Variants in PARP4 observed in about 807,000 individuals in gnomAD.
The protein encoded by PARP4 is poly(ADP-ribose) polymerase family member 4.
In PARP4, 120 loss-of-function variants were observed where a neutral mutation model predicts 187.7. The observed-to-expected ratio is 0.64, with a 90% CI of 0.55 to 0.74. PARP4 has a LOEUF of 0.74. Among genes scored for constraint, PARP4 ranks in the 30% least tolerant of loss-of-function variants. The pLI is 0.00. For synonymous variants in PARP4, 654 were observed against 740.9 expected (o/e 0.88, Z 1.90); for missense variants, 1,836 against 2,070.5 (o/e 0.89, Z 2.20).
chr13:24,453,630 G>T lies in PARP4; in HGVS notation c.2783C>A (p.Pro928His). 6.2e-7 allele frequency: 1 copy of T among 1,606,774 alleles called. No homozygotes were observed. Among genetic ancestry groups the T allele is most frequent in the Non-Finnish European group, 8.5e-7 (1 of 1,173,402 alleles). ...GTGYKELFSY[P>H]KHITSNTMAA... ...CATGGTATTGCTTGTGATATGCTTA[G>T]GATACGAAAATAGCTCCTTGTAACC... is the stretch of plus-strand genomic sequence containing the variant. Residue 928 changes from proline (P) to histidine (H), a missense_variant, in exon 23 of 34, where the codon CCT (proline) becomes CAT (histidine). Physicochemically the swap from Pro to His is moderately conservative, Grantham distance 77. Coordinates refer to ENST00000381989, the MANE Select transcript of PARP4 (RefSeq NM_006437.4).
intron 33 of PARP4, among the ~76,000 whole-genome samples, chr13:24,424,245 A>G (rs1271153804): frequency 6.6e-6 from 1 of 152,014 alleles, no homozygotes; most frequent in Non-Finnish European, 1.5e-5. Context: ...AATTTTTCCT[A>G]TCTCATTTTT....
At chr13:24,495,148 G>A (rs1029497310) in intron 6 of PARP4, among the ~76,000 whole-genome samples, 3 of 152,144 alleles carry the variant, frequency 2.0e-5, no homozygotes, top group African/African-American at 7.2e-5. Context: ...TAGGATTACA[G>A]GCGTAAGCCA....
intron 1 of PARP4, among the ~76,000 whole-genome samples, chr13:24,505,014 T>TC: frequency 1.6e-5 from 2 of 128,750 alleles, no homozygotes; most frequent in Non-Finnish European, 1.9e-5. Flanking sequence ...TTTTTTTTTT[T>TC]TTTTTTTGAG....
At chr13:24,470,092 G>C (rs1397231734) in intron 15 of PARP4, 67 bp from the exon 16 acceptor site, 5 of 1,175,156 alleles carry the variant, frequency 4.3e-6, no homozygotes, top group Admixed American at 2.3e-5. Context: ...GAACAAGGAC[G>C]AACGAAAATG....
At chr13:24,425,567 G>GTATA (rs573054189) in intron 33 of PARP4, among the ~76,000 whole-genome samples, 18,580 of 140,966 alleles carry the variant, frequency 0.13, 1,474 homozygotes, top group Non-Finnish European at 0.19. Flanking sequence ...GTGTGTGTGT[G>GTATA]TGTATATCTA....
intron 12 of PARP4, among the ~76,000 whole-genome samples, chr13:24,481,974 T>C (rs935221876): frequency 7.2e-5 from 11 of 152,242 alleles, no homozygotes; most frequent in African/African-American, 2.7e-4. Context: ...GATTTGCTAT[T>C]CTCCTTGCCC....
intron 24 of PARP4, among the ~76,000 whole-genome samples, chr13:24,450,449 T>C (rs1434515329): frequency 6.7e-6 from 1 of 149,868 alleles, no homozygotes. Flanking sequence ...ATTTCCAAGA[T>C]GTTTTTCAAC....
In PARP4 at chr13:24,434,850, C is replaced by T; in HGVS notation, c.4291G>A (p.Glu1431Lys). The part of the protein sequence containing the change: ...TTRPSAGTFP[E>K]LDSPQLHFSL... Reference sequence around the variant, plus strand: ...AAATGAAGCTGGGGAGAATCCAGCTCAGGGAAGGTGCCAGCAGAAGGCCTG... The same window carrying T: ...AAATGAAGCTGGGGAGAATCCAGCTTAGGGAAGGTGCCAGCAGAAGGCCTG... The change falls in exon 31 of 34, where the codon GAG becomes AAG. Residue 1431 changes from glutamate (E) to lysine (K), a missense_variant. Physicochemically the swap from Glu to Lys is moderately conservative, Grantham distance 56 (BLOSUM62 1). This residue lies in a region of PARP4 where 450 missense variants were observed against 439.2 expected (regional missense o/e 1.02). Coordinates refer to ENST00000381989, the MANE Select transcript of PARP4 (RefSeq NM_006437.4). The T allele has an allele frequency of 1.2e-6, 2 of 1,613,966 alleles. No homozygotes were observed. Among genetic ancestry groups the T allele is most frequent in the Non-Finnish European group, 8.5e-7 (1 of 1,179,982 alleles).
chr13:24,484,474 A>G (rs529664130), intron 12 of PARP4, among the ~76,000 whole-genome samples, 179 bp downstream of exon 12: 1 of 152,290 alleles, frequency 6.6e-6, no homozygotes, highest in East Asian at 1.9e-4. Flanking sequence ...TGTCTGGCAT[A>G]AGGGCAGATT....
At chr13:24,491,568 A>G (rs1268889876) in intron 9 of PARP4, among the ~76,000 whole-genome samples, 1 of 152,158 alleles carries the variant, frequency 6.6e-6, no homozygotes, top group East Asian at 1.9e-4. Context: ...AAACATGCAA[A>G]ATTTCACATC....
chr13:24,434,479 T>C lies in PARP4; in HGVS notation c.4662A>G (p.Glu1554=). The C allele has an allele frequency of 6.2e-7, 1 of 1,613,290 alleles. No individual in the cohort carries two copies. The highest frequency in any genetic ancestry group is 8.5e-7 in the Non-Finnish European group (1 of 1,179,414). ...TKDDSILCFL[E]VKEEDEIVCI... ...ACACTATTTCATCCTCTTCTTTTAC[T>C]TCCAGAAAGCACAGGATACTGTCAT... The change falls in exon 31 of 34, where the codon GAA becomes GAG. Residue 1554 remains glutamate (E), a synonymous_variant. Transcript: ENST00000381989.
rs144195208 is a variant in PARP4 at position 24,430,872 on chromosome 13, C to T, written c.4846+505G>A. Among the ~76,000 whole-genome samples the T allele has an allele frequency of 2.3e-3, 347 of 152,364 alleles. 1 individual carries two copies. The highest frequency in any genetic ancestry group is 7.7e-3 in the African/African-American group (319 of 41,576). ...ACACGCAGCTTAACAGTACATTTCTCAGGCCTTCGTACATGGATGGGGCTA... is the reference window on the plus strand; with the variant it reads ...ACACGCAGCTTAACAGTACATTTCTTAGGCCTTCGTACATGGATGGGGCTA... On this transcript the variant is annotated intron_variant, in intron 32 of 33. Transcript: ENST00000381989.
intron 24 of PARP4, among the ~76,000 whole-genome samples, chr13:24,451,388 C>T (rs1044855604): frequency 3.9e-5 from 6 of 152,172 alleles, no homozygotes; most frequent in African/African-American, 1.4e-4. Context: ...GAGCCAGGAG[C>T]TGTGACAGTG....
At chr13:24,477,339 T>A (rs1160467171) in intron 14 of PARP4, among the ~76,000 whole-genome samples, 1 of 151,998 alleles carries the variant, frequency 6.6e-6, no homozygotes, top group African/African-American at 2.4e-5. Context: ...CGGATGGTAG[T>A]CCTAGCTACT....
At chr13:24,456,097 G>A (rs541947284) in intron 21 of PARP4, among the ~76,000 whole-genome samples, 33 of 152,192 alleles carry the variant, frequency 2.2e-4, no homozygotes, top group African/African-American at 7.7e-4. Flanking sequence ...TGTTCTTTTG[G>A]TGGAGCTTAA....
chr13:24,466,072 A>T (rs1473504474), intron 17 of PARP4, among the ~76,000 whole-genome samples: 2 of 152,248 alleles, frequency 1.3e-5, no homozygotes, highest in Non-Finnish European at 2.9e-5. Flanking sequence ...TAAGATAGCC[A>T]CTGGCCACAT....
chr13:24,451,552 G>A (rs1294851490), intron 24 of PARP4, among the ~76,000 whole-genome samples: 1 of 152,124 alleles, frequency 6.6e-6, no homozygotes, highest in Non-Finnish European at 1.5e-5. Flanking sequence ...AGCTCAGGGC[G>A]AGTCCAGGTC....
chr13:24,508,439 CA>C (rs992429301), intron 1 of PARP4, among the ~76,000 whole-genome samples: 9 of 152,072 alleles, frequency 5.9e-5, no homozygotes, highest in Non-Finnish European at 1.0e-4. Context: ...AAGAACAAAA[CA>C]AAAAAATCTC....
At position 24,460,083 on chromosome 13, in the gene PARP4, T is replaced by C. The variant is rs867826605; in HGVS notation, c.2187A>G (p.Ile729Met). 6.2e-7 allele frequency: 1 copy of C among 1,614,112 alleles called. No individual in the cohort carries two copies. Residue 729 changes from isoleucine to methionine, a missense_variant, in exon 18 of 34, where the codon ATA becomes ATG. Physicochemically the swap from Ile to Met is conservative, Grantham distance 10. Coordinates refer to ENST00000381989, the MANE Select transcript of PARP4 (RefSeq NM_006437.4). Reference protein sequence around the residue: ...GNLPPKAKVLIKITYITELSI... With the variant: ...GNLPPKAKVLMKITYITELSI... ...TGAGTTCTGTGATGTAGGTAATTTT[T>C]ATAAGAACCTTAGCCTTAGGGGGTA...
Sources: allele counts gnomAD v4.1 joint callset (sites outside exome capture counted in the v4.1 genomes callset), GRCh38; gene constraint gnomAD v4.1.1; regional missense constraint gnomAD v4.1.1; transcripts MANE v1.5; gene names NCBI Gene and HGNC (gene_info 2026-07-23, HGNC 2026-07-21).